The following WDR93 variants were observed in gnomAD, a reference collection of about 807,000 sequenced individuals.
The protein encoded by WDR93 is WD repeat-containing protein 93.
In WDR93, 73 loss-of-function variants were observed where a neutral mutation model predicts 82.9. That is an observed-to-expected ratio of 0.88 (90% confidence interval 0.73 to 1.07). The LOEUF (loss-of-function observed/expected upper bound fraction) is 1.07, where lower values mean the gene tolerates loss of function less well. Among genes scored for constraint, WDR93 ranks in the 50% least tolerant of loss-of-function variants. The pLI is 0.00. For synonymous variants in WDR93, 283 were observed against 300.1 expected, an observed-to-expected ratio of 0.94 and a Z score of 0.59; for missense variants, 738 against 826.0, an observed-to-expected ratio of 0.89 and a Z score of 1.31.
intron 5 of WDR93, among the ~76,000 whole-genome samples, chr15:89,712,834 C>A (rs1437358421): frequency 6.6e-6 from 1 of 152,080 alleles, no homozygotes; most frequent in Admixed American, 6.6e-5. Flanking sequence ...GATAGAAGTA[C>A]CACCTCCTGG....
In WDR93 at chr15:89,702,978, T is replaced by C. The variant is rs373135586; in HGVS notation, c.332T>C (p.Val111Ala). The C allele has an allele frequency of 2.5e-6, 4 of 1,614,068 alleles. No individual in the cohort carries two copies. The highest frequency in any genetic ancestry group is 2.7e-5 in the African/African-American group (2 of 74,936). ...AACAAAATGCCAAATTGTATGGCTG[T>C]TTCCCAAGACTATGTGTTTATTGGA... ...QLNKMPNCMA[V>A]SQDYVFIGGA... The change falls in exon 3 of 17, where the codon GTT becomes GCT. Residue 111 changes from valine (V) to alanine (A), a missense_variant. Transcript: ENST00000268130.
intron 10 of WDR93, among the ~76,000 whole-genome samples, chr15:89,729,365 A>G (rs549533323): frequency 6.6e-6 from 1 of 152,148 alleles, no homozygotes; most frequent in Non-Finnish European, 1.5e-5. Context: ...GCTTCTGGAT[A>G]TGAGTTTGTC....
intron 8 of WDR93, among the ~76,000 whole-genome samples, chr15:89,724,329 G>A (rs1034725334): frequency 1.3e-5 from 2 of 152,056 alleles, no homozygotes; most frequent in Non-Finnish European, 1.5e-5. Context: ...GCGACACAGC[G>A]AGCGAGAACC....
At position 89,705,621 on chromosome 15, in the gene WDR93, G is replaced by A; in HGVS notation, c.561+3G>A. The A allele has an allele frequency of 6.4e-7, 1 of 1,554,420 alleles. No homozygotes were observed. Among genetic ancestry groups the A allele is most frequent in the Non-Finnish European group, 8.9e-7 (1 of 1,125,588 alleles). On this transcript the variant is annotated splice_donor_region_variant and intron_variant, in intron 4 of 16. Coordinates refer to ENST00000268130, the MANE Select transcript of WDR93 (RefSeq NM_020212.2). ...TAGTCAAAGCCATCAATGAAGTGGTGAGTTCCTATTCTTTCACCATTAGCT... is the reference window on the plus strand; with the variant it reads ...TAGTCAAAGCCATCAATGAAGTGGTAAGTTCCTATTCTTTCACCATTAGCT...
chr15:89,707,809 G>A (rs1323495314), intron 4 of WDR93, among the ~76,000 whole-genome samples: 6 of 152,144 alleles, frequency 3.9e-5, no homozygotes, highest in Non-Finnish European at 5.9e-5. Context: ...CAGGAGAAAT[G>A]AAAGTGTATG....
At chr15:89,702,671 TGG>T (rs2141599330) in intron 2 of WDR93, among the ~76,000 whole-genome samples, 1 of 152,244 alleles carries the variant, frequency 6.6e-6, no homozygotes, top group Non-Finnish European at 1.5e-5. Context: ...CCCAAGTAGC[TGG>T]GATTACAGGG....
rs747774 is a variant in WDR93 at position 89,729,322 on chromosome 15, T to G, written c.1123+229T>G. On this transcript the variant is annotated intron_variant, in intron 10 of 16. Coordinates refer to ENST00000268130, the MANE Select transcript of WDR93 (RefSeq NM_020212.2). ...CACTGCCTTCAGGGAGTGGTTGCCA[T>G]AGGAGAAGGCATGAGCCCACATCCA... is the stretch of plus-strand genomic sequence containing the variant. Among the ~76,000 whole-genome samples, 287 of 151,950 alleles carry G rather than the reference T, an allele frequency of 1.9e-3. 3 individuals are homozygous for G. The highest frequency in any genetic ancestry group is 6.0e-3 in the African/African-American group (247 of 41,406).
chr15:89,731,838 T>A (rs1966862493), intron 12 of WDR93, among the ~76,000 whole-genome samples: 1 of 152,228 alleles, frequency 6.6e-6, no homozygotes, highest in Non-Finnish European at 1.5e-5. Flanking sequence ...ATTGCCTTCA[T>A]TATTACACTC....
At chr15:89,727,561 AAAAT>A (rs1255062351) in intron 9 of WDR93, among the ~76,000 whole-genome samples, 1 of 152,124 alleles carries the variant, frequency 6.6e-6, no homozygotes, top group South Asian at 2.1e-4. Flanking sequence ...CCTTATCTCT[AAAAT>A]AAATAAGCTC....
chr15:89,723,112 A>C (rs1339035885), intron 8 of WDR93, among the ~76,000 whole-genome samples: 12 of 152,030 alleles, frequency 7.9e-5, no homozygotes, highest in Non-Finnish European at 4.4e-5. Context: ...AAGGCAGTAG[A>C]ATCGCTTGAG....
intron 8 of WDR93, among the ~76,000 whole-genome samples, chr15:89,726,948 G>A (rs1009064026): frequency 6.6e-6 from 1 of 152,186 alleles, no homozygotes; most frequent in African/African-American, 2.4e-5. Flanking sequence ...GAAGAAGGAG[G>A]ACAGCAGCTG....
Position 89,737,746 on chromosome 15 carries a change from G to C in WDR93, c.1765+17G>C, listed in dbSNP as rs199630661. 6.4e-4 allele frequency: 1,038 copies of C among 1,614,020 alleles called. 5 individuals are homozygous for C. In the Middle Eastern group the frequency reaches 6.8e-3, roughly 11 times the overall value. Reference sequence around the variant, plus strand: ...TGCTCCGAGGTACAGAAAGGGACCAGGGCTGATGCCCACTGACCATTTCCC... The same window carrying C: ...TGCTCCGAGGTACAGAAAGGGACCACGGCTGATGCCCACTGACCATTTCCC... On this transcript the variant is annotated intron_variant, in intron 15 of 16. Transcript: ENST00000268130.
In WDR93 at chr15:89,738,034, G is replaced by A. The variant is rs373380359; in HGVS notation, c.1766-7G>A. 41 of 1,602,438 alleles carry A rather than the reference G, an allele frequency of 2.6e-5. 1 individual carries two copies. The highest frequency in any genetic ancestry group is 3.3e-4 in the Middle Eastern group (2 of 6,014). On this transcript the variant is annotated splice_region_variant and splice_polypyrimidine_tract_variant and intron_variant, in intron 15 of 16. Coordinates refer to ENST00000268130, the MANE Select transcript of WDR93 (RefSeq NM_020212.2). The stretch of plus-strand genomic sequence containing the variant: ...ACACAGAACATGGTGTTCTTGTCTC[G>A]TCACAGGAGACTATTCACATGAAAC...
chr15:89,705,514 A>G (rs1409688296), intron 3 of WDR93, 40 bp from the exon 4 acceptor site: 2 of 1,232,558 alleles, frequency 1.6e-6, no homozygotes, highest in African/African-American at 1.5e-5. Context: ...CTTCAGCTCA[A>G]TTGTCTGTCT....
chr15:89,696,105 C>T (rs1159709911), intron 1 of WDR93, among the ~76,000 whole-genome samples: 2 of 152,092 alleles, frequency 1.3e-5, no homozygotes, highest in Non-Finnish European at 2.9e-5. Context: ...ACATGAGCCA[C>T]CATGCCCAGC....
intron 10 of WDR93, among the ~76,000 whole-genome samples, 189 bp downstream of exon 10, chr15:89,729,282 G>A (rs1966841629): frequency 1.3e-5 from 2 of 152,116 alleles, no homozygotes; most frequent in African/African-American, 4.8e-5. Flanking sequence ...CAGGTTCTCT[G>A]ATCACAAAGG....
rs77903991 is a variant in WDR93 at position 89,737,511 on chromosome 15, C to T, written c.1609-62C>T. Reference sequence around the variant, plus strand: ...ATTCCTTACTGGGGTGACCTCTACACGACCTTCCTGTGAGGGACAGAGTCC... The same window carrying T: ...ATTCCTTACTGGGGTGACCTCTACATGACCTTCCTGTGAGGGACAGAGTCC... On this transcript the variant is annotated intron_variant, in intron 14 of 16. Transcript: ENST00000268130. 2,031 of 1,602,298 alleles carry T rather than the reference C, an allele frequency of 1.3e-3. 14 individuals are homozygous for T. The African/African-American group carries it at 0.024, about 19-fold the overall frequency.
At chr15:89,690,482 T>C (rs924306034), upstream of WDR93, 1 of 873,592 alleles carries the variant, frequency 1.1e-6, no homozygotes, top group Non-Finnish European at 1.8e-6. Flanking sequence ...TTCCATCTAC[T>C]AGGCTATCAC....
chr15:89,723,550 A>C (rs2141666959), intron 8 of WDR93, among the ~76,000 whole-genome samples: 1 of 152,352 alleles, frequency 6.6e-6, no homozygotes, highest in Non-Finnish European at 1.5e-5. Context: ...ATTTATTATA[A>C]AGCTGCAGTT....
Sources: gnomAD v4.1 joint callset for allele counts (sites outside exome capture counted in the v4.1 genomes callset) on GRCh38, gnomAD v4.1.1 for gene constraint, MANE v1.5 for transcripts, NCBI Gene and HGNC (gene_info 2026-07-23, HGNC 2026-07-21) for gene names.